The following CTCFL variants were observed in gnomAD, a reference collection of about 807,000 sequenced individuals.
CTCFL encodes transcriptional repressor CTCFL.
A neutral mutation model predicts 67.4 loss-of-function variants in CTCFL; 36 were observed. The ratio of observed to expected loss-of-function variants is 0.53; its 90% CI spans 0.41 to 0.71. CTCFL has a LOEUF of 0.71. Ranked by LOEUF, CTCFL falls within the 30% of genes least tolerant of loss-of-function variation. CTCFL has a pLI of 0.00. For synonymous variants in CTCFL, 324 were observed against 302.3 expected (o/e 1.07, Z -0.75); for missense variants, 786 against 835.2 (o/e 0.94, Z 0.73).
upstream of CTCFL, chr20:57,525,219 G>C (rs2069790505): frequency 7.0e-6 from 1 of 143,404 alleles, no homozygotes; most frequent in Non-Finnish European, 1.5e-5. Flanking sequence ...TGGGGGAGGG[G>C]GTGATGTACT....
chr20:57,499,300 A>G (rs1159995073), intron 10 of CTCFL, among the ~76,000 whole-genome samples: 1 of 152,136 alleles, frequency 6.6e-6, no homozygotes, highest in Non-Finnish European at 1.5e-5. Context: ...TATACTGAGT[A>G]CTGATTCTGT....
Position 57,498,287 on chromosome 20 carries a change from G to C in CTCFL, c.*263C>G. On this transcript the variant is annotated 3_prime_UTR_variant, in exon 11 of 11. Transcript: ENST00000243914. ...AAAACTTTTATAAAATACCTGCAAT[G>C]TTTCTTTGAAATATCCAGCTACAAA... 1 of 1,122,700 alleles carries C rather than the reference G, an allele frequency of 8.9e-7. No homozygotes were observed. The highest frequency in any genetic ancestry group is 1.1e-6 in the Non-Finnish European group (1 of 917,768). 69.5% of individuals were successfully genotyped at this position (1,122,700 alleles called of 1,614,324 possible). A position where few individuals can be genotyped will look rare whatever the true frequency, so the allele number is the denominator to read the frequency against.
chr20:57,503,909 C>T (rs1227847103), intron 9 of CTCFL, among the ~76,000 whole-genome samples: 2 of 150,168 alleles, frequency 1.3e-5, no homozygotes, highest in Non-Finnish European at 3.0e-5. Context: ...TGTACCACTG[C>T]ACTCCAGCCT....
rs2069133902 is a variant in CTCFL, at chr20:57,518,968, TAC to T, written c.926-79_926-78del. The T allele has an allele frequency of 5.5e-5, 81 of 1,484,842 alleles. 2 individuals carry two copies. In the South Asian group the frequency reaches 1.0e-3, roughly 19 times the overall value. 92.0% of individuals were successfully genotyped at this position (1,484,842 alleles called of 1,614,324 possible). A position where few individuals can be genotyped will look rare whatever the true frequency, so the allele number is the denominator to read the frequency against. Reference sequence around the variant, plus strand: ...TCCAAGGAATTCATAGCTTTTTAATTACACTCAGTCTCAAAAATGCTTTAAAA... The same window carrying T: ...TCCAAGGAATTCATAGCTTTTTAATTACTCAGTCTCAAAAATGCTTTAAAA... On this transcript the variant is annotated intron_variant, in intron 4 of 10. Coordinates refer to ENST00000243914, the MANE Select transcript of CTCFL (RefSeq NM_001386993.1).
At chr20:57,512,937 C>T (rs919363418) in intron 7 of CTCFL, among the ~76,000 whole-genome samples, 185 bp from the exon 8 acceptor site, 1 of 152,130 alleles carries the variant, frequency 6.6e-6, no homozygotes, top group Non-Finnish European at 1.5e-5. Context: ...TGTCTGTCTA[C>T]CAGATGCCAG....
chr20:57,508,692 T>C lies in CTCFL; in HGVS notation c.1588A>G (p.Asn530Asp), dbSNP rs1248346486. The change falls in exon 9 of 11, where the codon AAC (asparagine) becomes GAC (aspartate). Residue 530 changes from asparagine (N) to aspartate (D), a missense_variant. By Grantham distance (23) the Asn-to-Asp change is conservative. Coordinates refer to ENST00000243914, the MANE Select transcript of CTCFL (RefSeq NM_001386993.1). ...TCGTGGTATTTCCTGAAGTGAGCGT[T>C]TAGAAGTTGCTTCTGTCGGAAACAT... is the stretch of plus-strand genomic sequence containing the variant. ...NKCFRQKQLLNAHFRKYHDAN... is the reference protein window; with the variant it reads ...NKCFRQKQLLDAHFRKYHDAN... 1 of 1,614,066 alleles carries C rather than the reference T, an allele frequency of 6.2e-7. No homozygotes were observed. Among genetic ancestry groups the C allele is most frequent in the Non-Finnish European group, 8.5e-7 (1 of 1,180,034 alleles).
chr20:57,515,824 A>C lies in CTCFL; in HGVS notation c.1070T>G (p.Leu357Trp). 1 of 1,608,146 alleles carries C rather than the reference A, an allele frequency of 6.2e-7. No homozygotes were observed. The highest frequency in any genetic ancestry group is 1.1e-5 in the South Asian group (1 of 89,520). The change falls in exon 6 of 11, where the codon TTG (leucine) becomes TGG (tryptophan). Residue 357 changes from leucine (L) to tryptophan (W), a missense_variant. Physicochemically the swap from Leu to Trp is moderately conservative, Grantham distance 61. Transcript: ENST00000243914. ...CKYASVEASK[L>W]KRHVRSHTGE... ...AGTGTGGGATCGGACATGGCGCTTC[A>C]ATTTACTTGCCTAATAAATACATAA...
rs536148011 is a variant in CTCFL, at chr20:57,524,865, C to T, written c.-12+163G>A. ...AGGCCTGGCAGGGCCCCTGCTTTAC[C>T]CTGCCCCCCACGCCCCGCCCCGACC... On this transcript the variant is annotated intron_variant, in intron 1 of 10. Coordinates refer to ENST00000243914, the MANE Select transcript of CTCFL (RefSeq NM_001386993.1). 1.4e-3 allele frequency: 915 copies of T among 634,436 alleles called. 6 individuals carry two copies. The African/African-American group carries it at 0.017, about 12-fold the overall frequency. 39.3% of individuals were successfully genotyped at this position (634,436 alleles called of 1,614,324 possible). A position where few individuals can be genotyped will look rare whatever the true frequency, so the allele number is the denominator to read the frequency against.
downstream of CTCFL, chr20:57,496,295 G>GT (rs747300458): frequency 1.0e-5 from 7 of 694,552 alleles, no homozygotes; most frequent in East Asian, 1.6e-4. Context: ...TGCCTTGATT[G>GT]TAAGTTTCCT....
At position 57,524,815 on chromosome 20, in the gene CTCFL, G is replaced by A. The variant is rs759987228; in HGVS notation, c.-12+213C>T. 7.3e-5 allele frequency: 69 copies of A among 948,336 alleles called. 1 individual carries two copies. The highest frequency in any genetic ancestry group is 1.3e-4 in the Admixed American group (2 of 15,770). The allele number at this position is 948,336 out of a possible 1,614,324, so 58.7% of individuals were successfully genotyped here. A position where few individuals can be genotyped will look rare whatever the true frequency, so the allele number is the denominator to read the frequency against. ...ACCCAGACTTGGCCAAGCAGCCCTC[G>A]GCCAGACCAAGCACACTCCCTCGGA... On this transcript the variant is annotated intron_variant, in intron 1 of 10. Coordinates refer to ENST00000243914, the MANE Select transcript of CTCFL (RefSeq NM_001386993.1).
intron 4 of CTCFL, 60 bp downstream of exon 4, chr20:57,519,147 T>G: frequency 3.3e-6 from 5 of 1,526,568 alleles, no homozygotes; most frequent in Middle Eastern, 1.7e-4. Context: ...TGGATTCACA[T>G]TCTTAACATA....
chr20:57,520,304 G>T (rs778631279), intron 3 of CTCFL, among the ~76,000 whole-genome samples: 2 of 152,198 alleles, frequency 1.3e-5, no homozygotes, highest in Admixed American at 6.5e-5. Context: ...AGCTCACAGT[G>T]ATAAATAAGA....
intron 6 of CTCFL, 65 bp downstream of exon 6, chr20:57,515,648 AT>A (rs747460762): frequency 1.2e-6 from 2 of 1,605,744 alleles, no homozygotes; most frequent in Non-Finnish European, 1.7e-6. Flanking sequence ...ATAAAAAGTA[AT>A]TTTTTAAAGC....
intron 9 of CTCFL, chr20:57,507,148 T>G: frequency 3.7e-5 from 20 of 546,854 alleles, no homozygotes; most frequent in Non-Finnish European, 4.2e-5. Context: ...CCCACTCGAG[T>G]GTGGGTGGGA....
chr20:57,510,844 A>G (rs1022372897), intron 8 of CTCFL, among the ~76,000 whole-genome samples: 2 of 152,222 alleles, frequency 1.3e-5, no homozygotes, highest in Admixed American at 6.5e-5. Flanking sequence ...CAACAGAGTG[A>G]GACTCCGTCT....
chr20:57,523,581 T>C, intron 2 of CTCFL, 82 bp downstream of exon 2: 1 of 1,524,252 alleles, frequency 6.6e-7, no homozygotes, highest in African/African-American at 1.4e-5. Flanking sequence ...CAAAATACCT[T>C]GTCCAGACAT....
At chr20:57,521,932 T>C (rs1438195174) in intron 3 of CTCFL, among the ~76,000 whole-genome samples, 1 of 151,896 alleles carries the variant, frequency 6.6e-6, no homozygotes, top group African/African-American at 2.4e-5. Context: ...AGGAACAGAG[T>C]AGGAAGTGAC....
At chr20:57,500,997 G>A (rs958550264) in intron 10 of CTCFL, among the ~76,000 whole-genome samples, 21 of 152,346 alleles carry the variant, frequency 1.4e-4, no homozygotes, top group Middle Eastern at 3.4e-3. Flanking sequence ...ACTCAGAGCC[G>A]AGGTGGCCAG....
rs150734920 is a variant in CTCFL at position 57,509,963 on chromosome 20, G to T, written c.1492-1175C>A. Among the ~76,000 whole-genome samples, 149 of 152,224 alleles carry T rather than the reference G, an allele frequency of 9.8e-4. 1 individual carries two copies. The East Asian group carries it at 0.028, about 28-fold the overall frequency. The stretch of plus-strand genomic sequence containing the variant: ...CATACCTGCTGTATGCCTGCTCCAG[G>T]GCCCCTCATCCTTTCCAAGTCCTAT... On this transcript the variant is annotated intron_variant, in intron 8 of 10. Transcript: ENST00000243914.
Sources: gnomAD v4.1 joint callset for allele counts (sites outside exome capture counted in the v4.1 genomes callset) on GRCh38, gnomAD v4.1.1 for gene constraint, MANE v1.5 for transcripts, NCBI Gene and HGNC (gene_info 2026-07-23, HGNC 2026-07-21) for gene names.